The following PVT1 variants were observed in gnomAD, a reference collection of about 807,000 sequenced individuals.
The protein encoded by PVT1 is Pvt1 oncogene, also known as CXCR4/PVT1 fusion.
At chr8:127,868,316 G>A (rs1190034171) in intron 2 of PVT1, among the ~76,000 whole-genome samples, 2 of 152,076 alleles carry the variant, frequency 1.3e-5, no homozygotes, top group Non-Finnish European at 2.9e-5. Flanking sequence ...AAATGAAACA[G>A]TGTTCATTTC....
rs186736247 is a variant in PVT1, at chr8:127,860,936, G to T, written n.373-29653G>T. On this transcript the variant is annotated intron_variant and non_coding_transcript_variant, in intron 2 of 10. Coordinates refer to ENST00000651587, the Ensembl canonical transcript of PVT1. The stretch of plus-strand genomic sequence containing the variant: ...TTTCACATTGAAACATGCACAGAAT[G>T]GTGGCTTATGACCCATGGTAGAGGC... Among the ~76,000 whole-genome samples the T allele has an allele frequency of 8.7e-4, 133 of 152,194 alleles. 1 individual carries two copies. Among genetic ancestry groups the T allele is most frequent in the African/African-American group, 3.2e-3 (131 of 41,536 alleles).
intron 2 of PVT1, among the ~76,000 whole-genome samples, chr8:127,882,837 C>G (rs994641221): frequency 1.9e-4 from 29 of 152,264 alleles, no homozygotes; most frequent in African/African-American, 6.5e-4. Context: ...TTGAGGCACA[C>G]TTAGCATGTG....
intron 4 of PVT1, among the ~76,000 whole-genome samples, chr8:128,012,797 C>T (rs1817328544): frequency 6.6e-6 from 1 of 152,118 alleles, no homozygotes; most frequent in Non-Finnish European, 1.5e-5. Context: ...ACCATAGTCA[C>T]CTAGGGGCTT....
At chr8:127,910,314 G>C (rs183912000) in intron 3 of PVT1, among the ~76,000 whole-genome samples, 73 of 152,258 alleles carry the variant, frequency 4.8e-4, no homozygotes, top group Admixed American at 4.1e-3. Flanking sequence ...TTAGAAGGTG[G>C]TTTTTGTTCC....
chr8:127,962,195 G>C (rs1262187313), intron 3 of PVT1, among the ~76,000 whole-genome samples: 1 of 151,934 alleles, frequency 6.6e-6, no homozygotes, highest in Non-Finnish European at 1.5e-5. Context: ...TCAATCTCTT[G>C]ATCTCGTGAT....
intron 3 of PVT1, among the ~76,000 whole-genome samples, chr8:127,959,574 ACT>A (rs748253956): frequency 1.8e-4 from 24 of 133,284 alleles, no homozygotes; most frequent in Admixed American, 2.7e-4. Flanking sequence ...ACAGCGCGAG[ACT>A]CTGTCTCAGG....
chr8:127,936,138 G>C (rs1167665889), intron 3 of PVT1, among the ~76,000 whole-genome samples: 1 of 145,728 alleles, frequency 6.9e-6, no homozygotes, highest in Non-Finnish European at 1.5e-5. Context: ...CACAACCTCC[G>C]CGTCCCAGGT....
At chr8:127,955,741 C>T (rs1274062519) in intron 3 of PVT1, among the ~76,000 whole-genome samples, 1 of 152,134 alleles carries the variant, frequency 6.6e-6, no homozygotes, top group African/African-American at 2.4e-5. Context: ...TTCCACCATA[C>T]CCTGCTAATT....
intron 3 of PVT1, among the ~76,000 whole-genome samples, chr8:127,950,709 A>C (rs902084489): frequency 1.3e-5 from 2 of 152,170 alleles, no homozygotes; most frequent in Non-Finnish European, 2.9e-5. Flanking sequence ...CTGGGCTGGG[A>C]ATTCTCCTTT....
At chr8:127,980,406 C>T (rs908680646) in intron 3 of PVT1, among the ~76,000 whole-genome samples, 2 of 152,138 alleles carry the variant, frequency 1.3e-5, no homozygotes, top group African/African-American at 4.8e-5. Flanking sequence ...CACTGACTTC[C>T]TGGAAGAGGC....
chr8:127,856,214 A>T (rs892281365), intron 2 of PVT1, among the ~76,000 whole-genome samples: 2 of 152,052 alleles, frequency 1.3e-5, no homozygotes, highest in African/African-American at 2.4e-5. Flanking sequence ...TTGATGGGGC[A>T]TGTGATGTGT....
chr8:127,944,554 A>C (rs1234475033), intron 3 of PVT1, among the ~76,000 whole-genome samples: 1 of 145,518 alleles, frequency 6.9e-6, no homozygotes, highest in African/African-American at 2.6e-5. Flanking sequence ...CAGTTGTCCC[A>C]TTTTTTTTTT....
chr8:128,091,049 T>C (rs918539980), intron 5 of PVT1, among the ~76,000 whole-genome samples: 1 of 152,068 alleles, frequency 6.6e-6, no homozygotes, highest in Admixed American at 6.5e-5. Flanking sequence ...CCTGGGGGAT[T>C]AAAGGGAGAA....
chr8:128,006,103 AAAT>A (rs201867936), intron 4 of PVT1, among the ~76,000 whole-genome samples: 34,137 of 118,794 alleles, frequency 0.29, 4,721 homozygotes, highest in Middle Eastern at 0.35. Context: ...ACCTTGTCTC[AAAT>A]AATAATAATA....
chr8:128,049,475 G>A (rs1554607245), intron 4 of PVT1, among the ~76,000 whole-genome samples: 1 of 152,202 alleles, frequency 6.6e-6, no homozygotes, highest in Non-Finnish European at 1.5e-5. Context: ...AGGGTGAAGG[G>A]CACTGGAGAC....
At chr8:127,821,766 C>T (rs1026019028) in intron 2 of PVT1, among the ~76,000 whole-genome samples, 1 of 151,642 alleles carries the variant, frequency 6.6e-6, no homozygotes, top group Non-Finnish European at 1.5e-5. Flanking sequence ...GAGCTGAGAT[C>T]GCACCACTGA....
In PVT1 at chr8:128,087,791, C is replaced by T. The variant is rs185624187; in HGVS notation, n.1115-8727C>T. On this transcript the variant is annotated intron_variant and non_coding_transcript_variant, in intron 5 of 10. Coordinates refer to ENST00000651587, the Ensembl canonical transcript of PVT1. ...TTTTTGAGATGGAGTCTCGTTCTGT[C>T]TCCCAGGCTGGAGTGCAGTGGAGCA... 3.1e-3 allele frequency among the ~76,000 whole-genome samples: 370 copies of T among 117,750 alleles called. 1 individual carries two copies. Among genetic ancestry groups the T allele is most frequent in the Admixed American group, 7.7e-3 (61 of 7,892 alleles). The allele number at this position is 117,750 out of a possible 152,430, so 77.2% of individuals were successfully genotyped here. A position where few individuals can be genotyped will look rare whatever the true frequency, so the allele number is the denominator to read the frequency against.
intron 2 of PVT1, among the ~76,000 whole-genome samples, chr8:127,801,542 C>T (rs1466940690): frequency 1.3e-5 from 2 of 152,102 alleles, no homozygotes; most frequent in African/African-American, 4.8e-5. Flanking sequence ...TGACTGGCTT[C>T]CTTGCAGTGT....
chr8:127,871,542 T>A lies in PVT1; in HGVS notation n.373-19047T>A, dbSNP rs540710763. On this transcript the variant is annotated intron_variant and non_coding_transcript_variant, in intron 2 of 10. Transcript: ENST00000651587. ...TCTGCTTGTCTGTCCTTAGGCAGAG[T>A]CCACCAGAATCGGGTAAAGTATGTG... Among the ~76,000 whole-genome samples the A allele has an allele frequency of 2.2e-4, 33 of 152,070 alleles. No individual in the cohort carries two copies. The East Asian group carries it at 3.7e-3, about 17-fold the overall frequency.
Sources: allele counts gnomAD v4.1 joint callset (sites outside exome capture counted in the v4.1 genomes callset), GRCh38; gene constraint gnomAD v4.1.1; transcripts MANE v1.5; gene names NCBI Gene and HGNC (gene_info 2026-07-23, HGNC 2026-07-21).